ABCB7: variants seen among roughly 807,000 people sequenced by gnomAD.
ABCB7 encodes ATP binding cassette subfamily B member 7.
In ABCB7, 7 loss-of-function variants were observed where a neutral mutation model predicts 54.4. The ratio of observed to expected loss-of-function variants is 0.13; its 90% CI spans 0.07 to 0.24. The LOEUF is 0.24. Ranked by LOEUF, ABCB7 falls within the 10% of genes least tolerant of loss-of-function variation. The pLI, the probability that ABCB7 is intolerant of heterozygous loss-of-function variation, is 1.00. For missense variants in ABCB7, 356 were observed against 570.4 expected, an observed-to-expected ratio of 0.62 and a Z score of 3.83; for synonymous variants, 218 against 207.1, an observed-to-expected ratio of 1.05 and a Z score of -0.45.
At chrX:75,138,223 T>TAC (rs60844679) in intron 1 of ABCB7, among the ~76,000 whole-genome samples, 1,059 of 99,417 alleles carry the variant, frequency 0.011, 13 homozygotes, top group African/African-American at 0.037. Flanking sequence ...GCAACCCTCA[T>TAC]ACACACACAC....
Position 75,071,667 on chromosome X carries a change from C to A in ABCB7, c.1049G>T (p.Arg350Ile), listed in dbSNP as rs1487673076. 1 of 1,173,062 alleles carries A rather than the reference C, an allele frequency of 8.5e-7. No homozygotes were observed. The highest frequency in any genetic ancestry group is 3.0e-5 in the East Asian group (1 of 33,328). The change falls in exon 9 of 16, where the codon AGA (arginine) becomes ATA (isoleucine). Residue 350 changes from arginine to isoleucine, a missense_variant. By Grantham distance (97) the Arg-to-Ile change is moderately conservative. Around this residue, in one of 2 missense-constraint regions of ABCB7, gnomAD observed 241 missense variants for 470.9 expected, o/e 0.51. Coordinates refer to ENST00000373394, the MANE Select transcript of ABCB7 (RefSeq NM_001271696.3). ...TCCATCATATCTCTGTGCTTCATAT[C>A]TTTCATTATTAAAATACTACAAAAT... Reference protein sequence around the residue: ...YETVKYFNNERYEAQRYDGFL... With the variant: ...YETVKYFNNEIYEAQRYDGFL...
chrX:75,070,333 A>C (rs758205658), intron 10 of ABCB7, 32 bp downstream of exon 10: 2 of 1,169,348 alleles, frequency 1.7e-6, no homozygotes, highest in South Asian at 3.6e-5. Context: ...ATGTTCACAT[A>C]CTTTTGAAAA....
intron 15 of ABCB7, among the ~76,000 whole-genome samples, chrX:75,059,166 ACT>A (rs1383183549): frequency 1.8e-5 from 2 of 110,497 alleles, no homozygotes; most frequent in Non-Finnish European, 3.8e-5. Flanking sequence ...TTCTCTCTAA[ACT>A]CTTAGTACAC....
At chrX:75,107,301 G>A (rs1258024959) in intron 3 of ABCB7, among the ~76,000 whole-genome samples, 1 of 111,379 alleles carries the variant, frequency 9.0e-6, no homozygotes, top group East Asian at 2.8e-4. Context: ...TAACCGGTGA[G>A]CCCTAGTACC....
At chrX:75,141,757 T>C (rs2082055564) in intron 1 of ABCB7, among the ~76,000 whole-genome samples, 1 of 111,388 alleles carries the variant, frequency 9.0e-6, no homozygotes, top group African/African-American at 3.3e-5. Flanking sequence ...TTTTGATTCA[T>C]TCTGACAAAC....
chrX:75,148,598 T>A (rs1039135178), intron 1 of ABCB7, among the ~76,000 whole-genome samples: 1 of 111,124 alleles, frequency 9.0e-6, no homozygotes, highest in East Asian at 2.8e-4. Context: ...AAAGAGGTAA[T>A]TAAAGTTCAA....
chrX:75,077,006 T>TA (rs2081415872), intron 4 of ABCB7, among the ~76,000 whole-genome samples: 1 of 112,143 alleles, frequency 8.9e-6, no homozygotes, highest in Admixed American at 9.5e-5. Flanking sequence ...ACACTGTAGT[T>TA]ATTTGTGTAT....
intron 1 of ABCB7, among the ~76,000 whole-genome samples, chrX:75,115,410 CTTTTTT>C (rs747398607): frequency 6.0e-4 from 18 of 30,173 alleles, no homozygotes; most frequent in Non-Finnish European, 9.3e-4. Flanking sequence ...TGTCTCTTTT[CTTTTTT>C]TTTTTTTTTT....
chrX:75,145,890 C>A (rs1487009537), intron 1 of ABCB7, among the ~76,000 whole-genome samples: 1 of 111,407 alleles, frequency 9.0e-6, no homozygotes, highest in Non-Finnish European at 1.9e-5. Context: ...TCAGCAAAGT[C>A]TCAGGACACA....
intron 4 of ABCB7, among the ~76,000 whole-genome samples, chrX:75,085,852 T>G (rs1174074098): frequency 1.2e-5 from 1 of 84,282 alleles, no homozygotes; most frequent in African/African-American, 8.1e-5. Flanking sequence ...ACTTTAAATA[T>G]TTTTTTTTTT....
At chrX:75,076,716 A>G in intron 4 of ABCB7, 62 bp from the exon 5 acceptor site, 1 of 1,088,048 alleles carries the variant, frequency 9.2e-7, no homozygotes, top group Non-Finnish European at 1.2e-6. Flanking sequence ...AAAAGTACAA[A>G]TATTTACCTT....
chrX:75,069,236 C>T (rs1191523795), intron 11 of ABCB7, 55 bp downstream of exon 11: 3 of 1,196,613 alleles, frequency 2.5e-6, no homozygotes, highest in African/African-American at 1.8e-5. Context: ...AGAAATATTA[C>T]ATTGGGAATC....
chrX:75,062,340 C>A lies in ABCB7; in HGVS notation c.1923G>T (p.Ser641=), dbSNP rs774448307. ...LYDEATSSLD[S]ITEETILGAM... ...AATCATAACTTACCTCTTCAGTAAT[C>A]GAATCTAACGATGAAGTAGCTTCAT... Residue 641 remains serine (S), a synonymous_variant, in exon 14 of 16, where the codon TCG becomes TCT. Transcript: ENST00000373394. The A allele has an allele frequency of 6.6e-6, 8 of 1,206,636 alleles. No homozygotes were observed. Among genetic ancestry groups the A allele is most frequent in the South Asian group, 1.8e-5 (1 of 56,815 alleles).
rs138119503 is a variant in ABCB7, at chrX:75,086,033, G to C, written c.454-9379C>G. ...AGCTAATTTTTGTATTTTTAGTAGAGATAGGGTTTCACCATGTTGGCCAGG... is the reference window on the plus strand; with the variant it reads ...AGCTAATTTTTGTATTTTTAGTAGACATAGGGTTTCACCATGTTGGCCAGG... On this transcript the variant is annotated intron_variant, in intron 4 of 15. Transcript: ENST00000373394. Among the ~76,000 whole-genome samples the C allele has an allele frequency of 1.3e-3, 141 of 109,818 alleles. 1 individual carries two copies. The East Asian group carries it at 0.035, about 27-fold the overall frequency.
chrX:75,069,206 G>C, intron 11 of ABCB7, 70 bp from the exon 12 acceptor site: 2 of 1,198,612 alleles, frequency 1.7e-6, no homozygotes, highest in South Asian at 3.5e-5. Flanking sequence ...TTAAACCACA[G>C]TAATCATTTT....
chrX:75,106,946 C>T (rs779735204), intron 3 of ABCB7, among the ~76,000 whole-genome samples: 2 of 110,849 alleles, frequency 1.8e-5, no homozygotes, highest in Admixed American at 1.9e-4. Context: ...ATTTTAATGC[C>T]GTATTGCTGA....
intron 6 of ABCB7, 81 bp downstream of exon 6, chrX:75,075,281 A>G: frequency 1.8e-6 from 2 of 1,099,465 alleles, no homozygotes; most frequent in Non-Finnish European, 2.5e-6. Context: ...TGGGCATGCA[A>G]CAGTACAACA....
At chrX:75,099,464 A>G (rs2081620714) in intron 3 of ABCB7, among the ~76,000 whole-genome samples, 1 of 111,710 alleles carries the variant, frequency 9.0e-6, no homozygotes, top group Non-Finnish European at 1.9e-5. Flanking sequence ...TTTTTTATTT[A>G]AAACACTTTG....
rs970222771 is a variant in ABCB7 at position 75,051,489 on chromosome X, A to G, written c.*1881T>C. On this transcript the variant is annotated 3_prime_UTR_variant, in exon 16 of 16. Coordinates refer to ENST00000373394, the MANE Select transcript of ABCB7 (RefSeq NM_001271696.3). ...CATTCATGAGGTGCATATGTTTTCAAATTGAATGATTACTACCAAACAAAT... is the reference window on the plus strand; with the variant it reads ...CATTCATGAGGTGCATATGTTTTCAGATTGAATGATTACTACCAAACAAAT... 1 of 112,347 alleles carries G rather than the reference A, an allele frequency of 8.9e-6. No homozygotes were observed. The highest frequency in any genetic ancestry group is 3.2e-5 in the African/African-American group (1 of 30,968). The allele number at this position is 112,347 out of a possible 1,213,427, so 9.3% of individuals were successfully genotyped here. A position where few individuals can be genotyped will look rare whatever the true frequency, so the allele number is the denominator to read the frequency against.
Sources: allele counts gnomAD v4.1 joint callset (sites outside exome capture counted in the v4.1 genomes callset), GRCh38; gene constraint gnomAD v4.1.1; regional missense constraint gnomAD v4.1.1; transcripts MANE v1.5; gene names NCBI Gene and HGNC (gene_info 2026-07-23, HGNC 2026-07-21).